The following USP12 variants were observed in gnomAD, a reference collection of about 807,000 sequenced individuals.
USP12 encodes the protein ubiquitin carboxyl-terminal hydrolase 12.
In USP12, 19 loss-of-function variants were observed where a neutral mutation model predicts 45.5. That is an observed-to-expected ratio of 0.42 (90% CI 0.29 to 0.61). The LOEUF (loss-of-function observed/expected upper bound fraction) is 0.61, where lower values mean the gene tolerates loss of function less well. USP12 is among the 20% of genes least tolerant of loss of function. USP12 has a pLI of 0.22. For missense variants in USP12, 242 were observed against 447.7 expected, an observed-to-expected ratio of 0.54 and a Z score of 4.15; for synonymous variants, 149 against 148.8, an observed-to-expected ratio of 1.00 and a Z score of -0.01.
chr13:27,089,186 G>A (rs570151881), intron 6 of USP12, among the ~76,000 whole-genome samples: 2 of 152,194 alleles, frequency 1.3e-5, no homozygotes, highest in South Asian at 2.1e-4. Context: ...GGACATTACC[G>A]GTACATCCTG....
At chr13:27,139,406 A>G (rs1876951997) in intron 1 of USP12, among the ~76,000 whole-genome samples, 1 of 152,172 alleles carries the variant, frequency 6.6e-6, no homozygotes, top group Admixed American at 6.5e-5. Context: ...ACCTGAGGTC[A>G]GGAGTTTGAG....
intron 1 of USP12, among the ~76,000 whole-genome samples, chr13:27,146,335 G>A (rs779044608): frequency 2.6e-5 from 4 of 152,152 alleles, no homozygotes; most frequent in Non-Finnish European, 5.9e-5. Context: ...CCGTGAGGCA[G>A]AGGTTGCAGT....
intron 1 of USP12, among the ~76,000 whole-genome samples, chr13:27,144,692 AAAAAC>A (rs761440023): frequency 7.4e-4 from 112 of 152,076 alleles, no homozygotes; most frequent in Non-Finnish European, 1.0e-3. Flanking sequence ...TGTGGTTCAA[AAAAAC>A]AAAACAGAAA....
At chr13:27,119,304 G>A (rs1473574096) in intron 1 of USP12, among the ~76,000 whole-genome samples, 2 of 152,082 alleles carry the variant, frequency 1.3e-5, no homozygotes, top group African/African-American at 4.8e-5. Flanking sequence ...TCCATGAAGC[G>A]GCCCCCAGAG....
At chr13:27,110,127 T>TTAAAA (rs9319342) in intron 2 of USP12, among the ~76,000 whole-genome samples, 53,588 of 119,312 alleles carry the variant, frequency 0.45, 13,896 homozygotes, top group Non-Finnish European at 0.52. Context: ...CTTTTCCAGG[T>TTAAAA]AAAAAAAAAA....
At chr13:27,074,379 C>G (rs1184477746) in intron 7 of USP12, among the ~76,000 whole-genome samples, 1 of 151,212 alleles carries the variant, frequency 6.6e-6, no homozygotes, top group African/African-American at 2.4e-5. Context: ...CAGCCTGGGC[C>G]ACAGAGCAAG....
At position 27,110,127 on chromosome 13, in the gene USP12, T is replaced by TTAAAAAAAAA. The variant is rs9319342; in HGVS notation, c.130-4184_130-4183insTTTTTTTTTA. ...GATGACTAGGATTTCCTTTTCCAGG[T>TTAAAAAAAAA]AAAAAAAAAAAAAAAAAAAGGATAA... is the stretch of plus-strand genomic sequence containing the variant. On this transcript the variant is annotated intron_variant, in intron 2 of 8. Coordinates refer to ENST00000282344, the MANE Select transcript of USP12 (RefSeq NM_182488.4). 2.6e-4 allele frequency among the ~76,000 whole-genome samples: 31 copies of TTAAAAAAAAA among 119,628 alleles called. 3 individuals carry two copies. The highest frequency in any genetic ancestry group is 1.3e-4 in the African/African-American group (4 of 31,124). 78.5% of individuals were successfully genotyped at this position (119,628 alleles called of 152,430 possible).
intron 2 of USP12, among the ~76,000 whole-genome samples, chr13:27,114,828 T>C (rs1356074704): frequency 6.6e-6 from 1 of 151,478 alleles, no homozygotes; most frequent in Admixed American, 6.6e-5. Context: ...TACAAATAAA[T>C]TTTTTAAAAA....
chr13:27,156,219 G>GAAAAAAA (rs56139734), intron 1 of USP12, among the ~76,000 whole-genome samples: 2 of 141,892 alleles, frequency 1.4e-5, no homozygotes, highest in Non-Finnish European at 3.1e-5. Flanking sequence ...CTCCTGCAAG[G>GAAAAAAA]AAAAAAAAAA....
At chr13:27,170,240 C>T (rs1878527707) in intron 1 of USP12, 1 of 398,258 alleles carries the variant, frequency 2.5e-6, no homozygotes, top group Non-Finnish European at 4.4e-6. Flanking sequence ...ATTTTATGTC[C>T]ACCTGATTTC....
chr13:27,146,093 C>T (rs1044670521), intron 1 of USP12, among the ~76,000 whole-genome samples: 3 of 152,114 alleles, frequency 2.0e-5, no homozygotes, highest in African/African-American at 7.2e-5. Context: ...ATCAATCAAA[C>T]AGTAAAATTT....
intron 1 of USP12, among the ~76,000 whole-genome samples, chr13:27,135,827 T>C (rs1412061099): frequency 6.6e-6 from 1 of 152,164 alleles, no homozygotes; most frequent in Non-Finnish European, 1.5e-5. Flanking sequence ...AGAAGCTAGC[T>C]AGGGAGGGGA....
rs750565162 is a variant in USP12, at chr13:27,105,869, C to T, written c.205G>A (p.Ala69Thr). The change falls in exon 3 of 9, where the codon GCG becomes ACG. Residue 69 changes from alanine to threonine, a missense_variant. This residue lies in a region of USP12 where 77 missense variants were observed against 153.7 expected (regional missense o/e 0.50). Transcript: ENST00000282344. ...FCRPFREKVL[A>T]YKSQPRKKES... is the part of the protein sequence containing the mutation. ...TTTTTCCTAGGTTGACTCTTATACG[C>T]AAGAACTTTTTCCCGAAATGGACGA... 1 of 1,613,636 alleles carries T rather than the reference C, an allele frequency of 6.2e-7. No homozygotes were observed. Among genetic ancestry groups the T allele is most frequent in the Admixed American group, 1.7e-5 (1 of 59,992 alleles).
chr13:27,079,236 A>G (rs1873638402), intron 6 of USP12, among the ~76,000 whole-genome samples: 9 of 135,320 alleles, frequency 6.7e-5, no homozygotes, highest in South Asian at 5.2e-4. Context: ...GAGTGGGGGG[A>G]GAGGGAAGGA....
intron 1 of USP12, among the ~76,000 whole-genome samples, chr13:27,159,772 C>G (rs543390788): frequency 3.0e-4 from 46 of 152,302 alleles, no homozygotes; most frequent in Non-Finnish European, 5.0e-4. Flanking sequence ...GCTAAAATTA[C>G]AGATGTCACA....
rs372952115 is a variant in USP12 at position 27,136,319 on chromosome 13, G to A, written c.49-19723C>T. Among the ~76,000 whole-genome samples, 41 of 152,246 alleles carry A rather than the reference G, an allele frequency of 2.7e-4. No individual in the cohort carries two copies. In the East Asian group the frequency reaches 4.3e-3, roughly 16 times the overall value. ...TCGAGACCAGCCTGGCCAACATGGC[G>A]AAACCCCATCTCTACTAAAAATACA... On this transcript the variant is annotated intron_variant, in intron 1 of 8. Coordinates refer to ENST00000282344, the MANE Select transcript of USP12 (RefSeq NM_182488.4).
chr13:27,086,648 G>A (rs1874060013), intron 6 of USP12, among the ~76,000 whole-genome samples: 1 of 152,112 alleles, frequency 6.6e-6, no homozygotes, highest in Non-Finnish European at 1.5e-5. Flanking sequence ...GTGATTACTT[G>A]TATAACCATC....
Position 27,095,589 on chromosome 13 carries a change from T to C in USP12, c.573+12A>G, listed in dbSNP as rs201034927. 15 of 1,563,798 alleles carry C rather than the reference T, an allele frequency of 9.6e-6. No individual in the cohort carries two copies. In the Admixed American group the frequency reaches 1.1e-4, roughly 12 times the overall value. ...CAATTTTTCTCTATACAAAATTGTA[T>C]GATATACTTACAGTTTCACAAGTAA... On this transcript the variant is annotated intron_variant, in intron 4 of 8. Transcript: ENST00000282344.
chr13:27,096,939 G>C (rs1161056867), intron 3 of USP12, among the ~76,000 whole-genome samples: 75 of 152,008 alleles, frequency 4.9e-4, no homozygotes, highest in Admixed American at 4.9e-3. Flanking sequence ...CATTTTAGAA[G>C]AGATACAGAT....
Sources: allele counts gnomAD v4.1 joint callset (sites outside exome capture counted in the v4.1 genomes callset), GRCh38; gene constraint gnomAD v4.1.1; regional missense constraint gnomAD v4.1.1; transcripts MANE v1.5; gene names NCBI Gene and HGNC (gene_info 2026-07-23, HGNC 2026-07-21).